The following DHRSX variants were observed in gnomAD, a reference collection of about 807,000 sequenced individuals.
DHRSX encodes the protein dehydrogenase/reductase X-linked, also known as polyprenol dehydrogenase.
A neutral mutation model predicts 34.0 loss-of-function variants in DHRSX; 31 were observed. That is an observed-to-expected ratio of 0.91 (90% CI 0.69 to 1.23). The LOEUF (loss-of-function observed/expected upper bound fraction) is 1.23, where lower values mean the gene tolerates loss of function less well. DHRSX is among the 50% of genes most tolerant of loss of function. The pLI is 0.00. For synonymous variants in DHRSX, 201 were observed against 183.8 expected, an observed-to-expected ratio of 1.09 and a Z score of -0.76; for missense variants, 414 against 428.1, an observed-to-expected ratio of 0.97 and a Z score of 0.29.
intron 6 of DHRSX, among the ~76,000 whole-genome samples, chrX:2,231,322 G>A (rs1371905791): frequency 1.3e-5 from 2 of 152,124 alleles, no homozygotes; most frequent in African/African-American, 4.8e-5. Flanking sequence ...TTTCCAATGT[G>A]TACCTCAAAC....
chrX:2,224,044 G>A (rs890931288), intron 6 of DHRSX, among the ~76,000 whole-genome samples: 2 of 152,216 alleles, frequency 1.3e-5, no homozygotes, highest in African/African-American at 2.4e-5. Flanking sequence ...TGGTGCCTGA[G>A]ATGTTCACCC....
At chrX:2,335,370 G>A (rs755653875) in intron 3 of DHRSX, among the ~76,000 whole-genome samples, 3 of 152,018 alleles carry the variant, frequency 2.0e-5, no homozygotes, top group East Asian at 1.9e-4. Flanking sequence ...CCAGAAACAC[G>A]GGGACGACTC....
At chrX:2,363,130 TATC>T (rs1271779951) in intron 3 of DHRSX, among the ~76,000 whole-genome samples, 2 of 132,780 alleles carry the variant, frequency 1.5e-5, no homozygotes, top group Admixed American at 1.5e-4. Context: ...CGTTCTATGG[TATC>T]ATGCCGCCAT....
At chrX:2,334,170 C>CTTTGTTTTTTTTTTTTTTTT (rs2042520487) in intron 3 of DHRSX, 1 of 105,112 alleles carries the variant, frequency 9.5e-6, no homozygotes, top group African/African-American at 4.1e-5. Flanking sequence ...CAAAAGTATG[C>CTTTGTTTTTTTTTTTTTTTT]TTTTTTTTTT....
intron 3 of DHRSX, among the ~76,000 whole-genome samples, chrX:2,342,508 G>A (rs2042653411): frequency 6.6e-6 from 1 of 151,802 alleles, no homozygotes; most frequent in Admixed American, 6.7e-5. Context: ...TTTGGGTACA[G>A]CCTGCCCTTT....
chrX:2,434,881 T>C (rs1468114151), intron 1 of DHRSX, among the ~76,000 whole-genome samples: 2 of 152,210 alleles, frequency 1.3e-5, no homozygotes, highest in Non-Finnish European at 2.9e-5. Flanking sequence ...AAGAAACATC[T>C]TATTGTTCTT....
intron 3 of DHRSX, among the ~76,000 whole-genome samples, chrX:2,330,173 A>AGAGGAGGAGGAGAAGCAGGAGGAGGGG: frequency 2.9e-5 from 4 of 136,252 alleles, no homozygotes; most frequent in African/African-American, 2.7e-5. Context: ...AGGAGGTGAA[A>AGAGGAGGAGGAGAAGCAGGAGGAGGGG]GAGGAGGAGG....
intron 5 of DHRSX, among the ~76,000 whole-genome samples, chrX:2,265,113 C>T (rs1164956817): frequency 7.0e-6 from 1 of 143,006 alleles, no homozygotes; most frequent in East Asian, 2.1e-4. Flanking sequence ...CCCCAGAGCA[C>T]CAGTGCTCAG....
intron 2 of DHRSX, among the ~76,000 whole-genome samples, chrX:2,409,821 T>C (rs1407564613): frequency 2.6e-5 from 4 of 151,832 alleles, no homozygotes; most frequent in Non-Finnish European, 4.4e-5. Context: ...CCTCCACCTC[T>C]CTGATTCAAG....
intron 3 of DHRSX, among the ~76,000 whole-genome samples, chrX:2,323,089 G>T (rs1298161114): frequency 2.0e-5 from 3 of 151,772 alleles, no homozygotes; most frequent in East Asian, 1.9e-4. Context: ...GCTAATTTTT[G>T]TATCAAGGTC....
At chrX:2,448,576 T>G (rs28631644) in intron 1 of DHRSX, among the ~76,000 whole-genome samples, 8 of 149,582 alleles carry the variant, frequency 5.3e-5, no homozygotes, top group African/African-American at 2.0e-4. Context: ...TTAATGTGTT[T>G]ATTAGCTTGA....
At chrX:2,345,893 C>A (rs1002453333) in intron 3 of DHRSX, among the ~76,000 whole-genome samples, 2 of 152,112 alleles carry the variant, frequency 1.3e-5, no homozygotes. Context: ...TTGCCAGCCT[C>A]CATCACCATA....
intron 3 of DHRSX, among the ~76,000 whole-genome samples, chrX:2,406,428 GT>G (rs1314781034): frequency 8.7e-6 from 1 of 115,526 alleles, no homozygotes; most frequent in African/African-American, 3.8e-5. Flanking sequence ...TTTTGTTTGT[GT>G]TTTTTTGTTT....
At chrX:2,228,449 GAAGGGAGGGAGGGAGGGAGGGAGGGAGGA>G (rs1201427942) in intron 6 of DHRSX, among the ~76,000 whole-genome samples, 1 of 16,138 alleles carries the variant, frequency 6.2e-5, no homozygotes, top group Non-Finnish European at 9.1e-5. Flanking sequence ...GGGAGGGAGG[GAAGGGAGGGAGGGAGGGAGGGAGGGAGGA>G]AGGAAGGAAG....
At chrX:2,477,164 C>G in intron 1 of DHRSX, among the ~76,000 whole-genome samples, 1 of 152,130 alleles carries the variant, frequency 6.6e-6, no homozygotes, top group South Asian at 2.1e-4. Context: ...AATGTAGAAG[C>G]TGTTTCCCTG....
At chrX:2,224,899 GCA>G (rs67258869) in intron 6 of DHRSX, among the ~76,000 whole-genome samples, 55,962 of 145,026 alleles carry the variant, frequency 0.39, 11,236 homozygotes, top group East Asian at 0.76. Flanking sequence ...GCTCACACTC[GCA>G]CACACACACG....
chrX:2,317,083 G>A (rs935705265), intron 3 of DHRSX, among the ~76,000 whole-genome samples: 3 of 150,914 alleles, frequency 2.0e-5, no homozygotes, highest in Non-Finnish European at 3.0e-5. Context: ...TCAGCTTCCT[G>A]AGTAGCTGGG....
intron 3 of DHRSX, among the ~76,000 whole-genome samples, chrX:2,372,945 G>A (rs2043093497): frequency 6.6e-6 from 1 of 152,138 alleles, no homozygotes; most frequent in Non-Finnish European, 1.5e-5. Context: ...CATAAACCGC[G>A]GCTCTACTTT....
At chrX:2,335,735 A>T (rs182349654) in intron 3 of DHRSX, among the ~76,000 whole-genome samples, 69 of 151,954 alleles carry the variant, frequency 4.5e-4, no homozygotes, top group African/African-American at 1.6e-3. Flanking sequence ...TACAGGCGTG[A>T]GCCACCGCAC....
Sources: allele counts gnomAD v4.1 joint callset (sites outside exome capture counted in the v4.1 genomes callset), GRCh38; gene constraint gnomAD v4.1.1; transcripts MANE v1.5; gene names NCBI Gene and HGNC (gene_info 2026-07-23, HGNC 2026-07-21).